The following UBAC2 variants were observed in gnomAD, a reference collection of about 807,000 sequenced individuals.
UBAC2 encodes UBA domain containing 2.
Under a neutral mutation model 44.0 loss-of-function variants are expected in UBAC2, and 26 were observed. The ratio of observed to expected loss-of-function variants is 0.59; its 90% CI spans 0.43 to 0.82. The LOEUF (loss-of-function observed/expected upper bound fraction) is 0.82, where lower values mean the gene tolerates loss of function less well. Among genes scored for constraint, UBAC2 ranks in the 40% least tolerant of loss-of-function variants. UBAC2 has a pLI of 0.00. For missense variants in UBAC2, 329 were observed against 419.4 expected (o/e 0.78, Z 1.88); for synonymous variants, 155 against 154.3 (o/e 1.00, Z -0.04).
At chr13:99,333,691 G>A (rs186907141) in intron 6 of UBAC2, among the ~76,000 whole-genome samples, 185 of 152,218 alleles carry the variant, frequency 1.2e-3, no homozygotes, top group African/African-American at 4.2e-3. Context: ...TTACTGGGTG[G>A]GGTATCCATA....
intron 7 of UBAC2, 125 bp downstream of exon 7, chr13:99,340,690 AT>A (rs1247200624): frequency 9.0e-7 from 1 of 1,109,338 alleles, no homozygotes; most frequent in Non-Finnish European, 1.3e-6. Context: ...GGATTTTGAC[AT>A]TTCCAAAGAG....
chr13:99,272,578 G>T (rs1212077214), intron 4 of UBAC2, among the ~76,000 whole-genome samples: 2 of 152,130 alleles, frequency 1.3e-5, no homozygotes, highest in Admixed American at 6.5e-5. Flanking sequence ...CAGGATGTTG[G>T]CATGGTCAAG....
intron 1 of UBAC2, among the ~76,000 whole-genome samples, chr13:99,228,553 C>A (rs936725166): frequency 6.6e-6 from 1 of 152,190 alleles, no homozygotes; most frequent in Admixed American, 6.5e-5. Flanking sequence ...CTTGGCCTCT[C>A]AAAGTGCTGG....
At position 99,338,039 on chromosome 13, in the gene UBAC2, CTTTTTTTCTTT is replaced by C. The variant is rs765559105; in HGVS notation, c.562-2273_562-2263del. Reference sequence around the variant, plus strand: ...GCAAAAAAATCTCCTAACTTTTTTTCTTTTTTTCTTTTTTTTTTTTTTTTTTTTTTTTTTTT... The same window carrying C: ...GCAAAAAAATCTCCTAACTTTTTTTCTTTTTTTTTTTTTTTTTTTTTTTTT... On this transcript the variant is annotated intron_variant, in intron 6 of 8. Transcript: ENST00000403766. Among the ~76,000 whole-genome samples the C allele has an allele frequency of 3.8e-3, 347 of 91,448 alleles. 8 individuals carry two copies. The highest frequency in any genetic ancestry group is 0.016 in the African/African-American group (320 of 19,750). The allele number at this position is 91,448 out of a possible 152,430, so 60.0% of individuals were successfully genotyped here. A position where few individuals can be genotyped will look rare whatever the true frequency, so the allele number is the denominator to read the frequency against.
chr13:99,294,917 C>T (rs1229376528), intron 4 of UBAC2: 4 of 821,098 alleles, frequency 4.9e-6, no homozygotes, highest in Admixed American at 3.0e-5. Flanking sequence ...GGCTTACTTC[C>T]GAGTTGGAGA....
chr13:99,372,689 AGAG>A (rs2138908761), intron 8 of UBAC2: 1 of 152,734 alleles, frequency 6.5e-6, no homozygotes, highest in Admixed American at 6.5e-5. Context: ...TAGACAAGAA[AGAG>A]GAGGAGGAGG....
chr13:99,208,103 T>C (rs1193598277), intron 1 of UBAC2, among the ~76,000 whole-genome samples: 1 of 151,356 alleles, frequency 6.6e-6, no homozygotes, highest in Non-Finnish European at 1.5e-5. Flanking sequence ...GTTTGAGCAA[T>C]TCTCCTGCCT....
At chr13:99,250,381 T>G (rs1187937234) in intron 4 of UBAC2, among the ~76,000 whole-genome samples, 2 of 152,236 alleles carry the variant, frequency 1.3e-5, no homozygotes, top group African/African-American at 4.8e-5. Flanking sequence ...GTTATGAGGC[T>G]TTATTTCTGG....
At chr13:99,321,439 G>A (rs887987868) in intron 6 of UBAC2, among the ~76,000 whole-genome samples, 3 of 152,118 alleles carry the variant, frequency 2.0e-5, no homozygotes, top group Non-Finnish European at 2.9e-5. Flanking sequence ...CTCCCAAGTA[G>A]CTGGAATTGC....
At chr13:99,336,152 C>G (rs368859180) in intron 6 of UBAC2, among the ~76,000 whole-genome samples, 1 of 152,174 alleles carries the variant, frequency 6.6e-6, no homozygotes, top group Admixed American at 6.5e-5. Context: ...TGAGTTTTCT[C>G]TTCTGAAATT....
At chr13:99,342,477 A>G (rs1409899312) in intron 7 of UBAC2, among the ~76,000 whole-genome samples, 1 of 152,040 alleles carries the variant, frequency 6.6e-6, no homozygotes, top group Non-Finnish European at 1.5e-5. Context: ...TGCAGACGGT[A>G]GTTATCAGGC....
intron 1 of UBAC2, among the ~76,000 whole-genome samples, chr13:99,229,871 AG>A (rs1475443849): frequency 6.6e-6 from 1 of 152,252 alleles, no homozygotes; most frequent in African/African-American, 2.4e-5. Flanking sequence ...TGAGAATTAA[AG>A]GGTTTTATTT....
chr13:99,281,606 C>T (rs1188584274), intron 4 of UBAC2, among the ~76,000 whole-genome samples: 2 of 152,104 alleles, frequency 1.3e-5, no homozygotes, highest in Admixed American at 1.3e-4. Context: ...AAACCTTCAG[C>T]GCTATTTTCT....
Position 99,331,038 on chromosome 13 carries a change from T to A in UBAC2, c.562-9282T>A, listed in dbSNP as rs115761685. ...TAGAGACTCTAGTTGCCTTCCAGTA[T>A]ATTTTTTCCTTCATAAGGGAAGGTT... On this transcript the variant is annotated intron_variant, in intron 6 of 8. Transcript: ENST00000403766. Among the ~76,000 whole-genome samples the A allele has an allele frequency of 6.4e-3, 979 of 152,350 alleles. 6 individuals are homozygous for A. The highest frequency in any genetic ancestry group is 0.023 in the African/African-American group (950 of 41,580).
chr13:99,333,737 T>C lies in UBAC2; in HGVS notation c.562-6583T>C, dbSNP rs141350597. Among the ~76,000 whole-genome samples, 3 of 152,254 alleles carry C rather than the reference T, an allele frequency of 2.0e-5. No homozygotes were observed. In the East Asian group the frequency reaches 5.8e-4, roughly 29 times the overall value. On this transcript the variant is annotated intron_variant, in intron 6 of 8. Coordinates refer to ENST00000403766, the MANE Select transcript of UBAC2 (RefSeq NM_001144072.2). ...AATGGTCCTGCTGAAATTGAATACATAGTTTTGTGAGTGTATACTCACGTC... is the reference window on the plus strand; with the variant it reads ...AATGGTCCTGCTGAAATTGAATACACAGTTTTGTGAGTGTATACTCACGTC...
chr13:99,215,358 A>C lies in UBAC2; in HGVS notation c.31+14419A>C, dbSNP rs59056819. 2.6e-3 allele frequency: 2,440 copies of C among 946,402 alleles called. 44 individuals are homozygous for C. The African/African-American group carries it at 0.036, about 14-fold the overall frequency. The allele number at this position is 946,402 out of a possible 1,614,324, so 58.6% of individuals were successfully genotyped here. Reference sequence around the variant, plus strand: ...TATTTAGAGTCCTGAGATAACAAGGAATCCAGGCATACATTAGACAGTCTT... The same window carrying C: ...TATTTAGAGTCCTGAGATAACAAGGCATCCAGGCATACATTAGACAGTCTT... On this transcript the variant is annotated intron_variant, in intron 1 of 8. Coordinates refer to ENST00000403766, the MANE Select transcript of UBAC2 (RefSeq NM_001144072.2).
chr13:99,223,717 T>G (rs1326627001), intron 1 of UBAC2, among the ~76,000 whole-genome samples: 1 of 152,120 alleles, frequency 6.6e-6, no homozygotes, highest in Non-Finnish European at 1.5e-5. Context: ...TTAAATATAC[T>G]CTAATTTCCT....
intron 4 of UBAC2, among the ~76,000 whole-genome samples, chr13:99,304,299 TTA>T (rs1340811726): frequency 6.6e-6 from 1 of 152,210 alleles, no homozygotes; most frequent in African/African-American, 2.4e-5. Context: ...TCCTTAGCTC[TTA>T]CTTTCCTTCA....
chr13:99,326,297 T>C (rs949851154), intron 6 of UBAC2, among the ~76,000 whole-genome samples: 1 of 152,186 alleles, frequency 6.6e-6, no homozygotes, highest in East Asian at 1.9e-4. Context: ...ATTAGTGACA[T>C]TGAGCATTTT....
Sources: allele counts gnomAD v4.1 joint callset (sites outside exome capture counted in the v4.1 genomes callset), GRCh38; gene constraint gnomAD v4.1.1; transcripts MANE v1.5; gene names NCBI Gene and HGNC (gene_info 2026-07-23, HGNC 2026-07-21).